The following SOAT1 variants were observed in gnomAD, a reference collection of about 807,000 sequenced individuals.
SOAT1 encodes the protein sterol O-acyltransferase 1, also known as acyl-coenzyme A:cholesterol acyltransferase 1.
In SOAT1, 55 loss-of-function variants were observed where a neutral mutation model predicts 69.5. The observed-to-expected ratio is 0.79, with a 90% confidence interval of 0.64 to 0.99. The LOEUF (loss-of-function observed/expected upper bound fraction) is 0.99, where lower values mean the gene tolerates loss of function less well. SOAT1 is among the 50% of genes least tolerant of loss of function. The pLI is 0.00. For synonymous variants in SOAT1, 231 were observed against 224.7 expected (o/e 1.03, Z -0.25); for missense variants, 580 against 669.3 (o/e 0.87, Z 1.47).
At position 179,342,943 on chromosome 1, in the gene SOAT1, G is replaced by C. The variant is rs780527908; in HGVS notation, c.941G>C (p.Arg314Thr). 1.9e-6 allele frequency: 3 copies of C among 1,611,082 alleles called. No individual in the cohort carries two copies. The highest frequency in any genetic ancestry group is 2.5e-6 in the Non-Finnish European group (3 of 1,177,556). ...CTTATCTACCGTGACAGCTATCCCA[G>C]GTAATGGTACTGTGAACCAGAAATG... Reference protein sequence around the residue: ...PTLIYRDSYPRNPTVRWGYVA... With the variant: ...PTLIYRDSYPTNPTVRWGYVA... The change falls in exon 9 of 16, where the codon AGG (arginine) becomes ACG (threonine). Residue 314 changes from arginine to threonine, a missense_variant and splice_region_variant. By Grantham distance (71) the Arg-to-Thr change is moderately conservative. Coordinates refer to ENST00000367619, the MANE Select transcript of SOAT1 (RefSeq NM_003101.6).
At chr1:179,337,542 A>G (rs1666200404) in intron 4 of SOAT1, among the ~76,000 whole-genome samples, 1 of 152,182 alleles carries the variant, frequency 6.6e-6, no homozygotes, top group Admixed American at 6.5e-5. Context: ...ACAAGAAGGA[A>G]AAGTGATTGC....
At chr1:179,335,981 A>G (rs941605116) in intron 4 of SOAT1, among the ~76,000 whole-genome samples, 8 of 152,070 alleles carry the variant, frequency 5.3e-5, no homozygotes, top group Admixed American at 3.3e-4. Context: ...CAACATGGTT[A>G]TTTAACCATT....
intron 15 of SOAT1, 142 bp downstream of exon 15, chr1:179,351,604 A>G: frequency 2.7e-6 from 2 of 729,962 alleles, no homozygotes; most frequent in Non-Finnish European, 4.4e-6. Flanking sequence ...TAAAAGCATT[A>G]GTTTATCATC....
rs144539757 is a variant in SOAT1, at chr1:179,302,781, T to A, written c.97T>A (p.Ser33Thr). The A allele has an allele frequency of 7.1e-5, 112 of 1,583,744 alleles. No homozygotes were observed. The highest frequency in any genetic ancestry group is 4.9e-4 in the African/African-American group (36 of 72,750). Reference protein sequence around the residue: ...DEDQRNPAKESLETPSNGRID... With the variant: ...DEDQRNPAKETLETPSNGRID... ...AGACCAGAGAAACCCTGCAAAGGAGTCCCTAGAGACACCTAGTAATGGTGA... is the reference window on the plus strand; with the variant it reads ...AGACCAGAGAAACCCTGCAAAGGAGACCCTAGAGACACCTAGTAATGGTGA... Residue 33 changes from serine to threonine, a missense_variant, in exon 2 of 16, where the codon TCC (serine) becomes ACC (threonine). By Grantham distance (58) the Ser-to-Thr change is moderately conservative. Coordinates refer to ENST00000367619, the MANE Select transcript of SOAT1 (RefSeq NM_003101.6).
chr1:179,346,777 C>T (rs1022754460), intron 11 of SOAT1, among the ~76,000 whole-genome samples: 1 of 152,140 alleles, frequency 6.6e-6, no homozygotes, highest in Admixed American at 6.5e-5. Context: ...CCCTCTCCTC[C>T]AATTGTCACA....
rs71901753 is a variant in SOAT1, at chr1:179,351,721, A to ATTTTTTTTTTTTTTTTTTTTTTTTTTTT, written c.1596+275_1596+276insTTTTTTTTTTTTTTTTTTTTTTTTTTTT. Among the ~76,000 whole-genome samples the ATTTTTTTTTTTTTTTTTTTTTTTTTTTT allele has an allele frequency of 4.4e-4, 47 of 106,436 alleles. 3 individuals carry two copies. Among genetic ancestry groups the ATTTTTTTTTTTTTTTTTTTTTTTTTTTT allele is most frequent in the Non-Finnish European group, 5.4e-4 (30 of 56,070 alleles). The allele number at this position is 106,436 out of a possible 152,430, so 69.8% of individuals were successfully genotyped here. On this transcript the variant is annotated intron_variant, in intron 15 of 15. Transcript: ENST00000367619. ...ACTGCCTTTTCTTCAGCCCCTTCTA[A>ATTTTTTTTTTTTTTTTTTTTTTTTTTTT]TTTTTTTTTTTTTTTTGAGACAGAG...
Position 179,351,372 on chromosome 1 carries a change from G to T in SOAT1, c.1506G>T (p.Leu502=). 2.5e-6 allele frequency: 4 copies of T among 1,614,038 alleles called. No individual in the cohort carries two copies. Among genetic ancestry groups the T allele is most frequent in the Non-Finnish European group, 3.4e-6 (4 of 1,179,926 alleles). Residue 502 remains leucine, a synonymous_variant, in exon 15 of 16, where the codon CTG becomes CTT. Coordinates refer to ENST00000367619, the MANE Select transcript of SOAT1 (RefSeq NM_003101.6). ...DSRKKPIWNV[L]MWTSLFLGNG... Reference sequence around the variant, plus strand: ...GGAAAAAGCCGATTTGGAATGTTCTGATGTGGACTTCTCTTTTCTTGGGCA... The same window carrying T: ...GGAAAAAGCCGATTTGGAATGTTCTTATGTGGACTTCTCTTTTCTTGGGCA...
intron 3 of SOAT1, among the ~76,000 whole-genome samples, chr1:179,324,368 G>A (rs1264836594): frequency 6.6e-6 from 1 of 152,168 alleles, no homozygotes; most frequent in African/African-American, 2.4e-5. Context: ...AATCAGTACT[G>A]TTTGAGTCCA....
rs573901523 is a variant in SOAT1, at chr1:179,334,279, T to C, written c.178-1227T>C. On this transcript the variant is annotated intron_variant, in intron 3 of 15. Coordinates refer to ENST00000367619, the MANE Select transcript of SOAT1 (RefSeq NM_003101.6). ...AATTATGTTACGTTTGTTTAGAAGTTAGAAGTTATATTAGAGTAGAATATG... is the reference window on the plus strand; with the variant it reads ...AATTATGTTACGTTTGTTTAGAAGTCAGAAGTTATATTAGAGTAGAATATG... Among the ~76,000 whole-genome samples, 4 of 152,290 alleles carry C rather than the reference T, an allele frequency of 2.6e-5. No individual in the cohort carries two copies. The East Asian group carries it at 7.7e-4, about 29-fold the overall frequency.
intron 3 of SOAT1, among the ~76,000 whole-genome samples, chr1:179,335,103 C>G (rs1666104749): frequency 6.6e-6 from 1 of 151,782 alleles, no homozygotes. Flanking sequence ...GTGCCGCCTG[C>G]CTGTAATTCT....
chr1:179,316,807 T>A (rs1389475773), intron 2 of SOAT1, among the ~76,000 whole-genome samples: 1 of 152,226 alleles, frequency 6.6e-6, no homozygotes, highest in Non-Finnish European at 1.5e-5. Flanking sequence ...TCTCTCTGTA[T>A]AGAGCTCTGA....
chr1:179,300,043 G>T (rs1252968717), intron 1 of SOAT1, among the ~76,000 whole-genome samples: 1 of 151,348 alleles, frequency 6.6e-6, no homozygotes, highest in African/African-American at 2.4e-5. Context: ...TTACAGGCAT[G>T]AGCCACCGCA....
chr1:179,309,772 TAATC>T (rs777450353), intron 2 of SOAT1, among the ~76,000 whole-genome samples: 9 of 152,340 alleles, frequency 5.9e-5, no homozygotes, highest in African/African-American at 1.7e-4. Flanking sequence ...AATATTTTCT[TAATC>T]AAACTAGTGA....
rs1206609983 is a variant in SOAT1, at chr1:179,342,789, T to G, written c.860-73T>G. The G allele has an allele frequency of 4.7e-6, 5 of 1,059,738 alleles. No individual in the cohort carries two copies. In the African/African-American group the frequency reaches 6.2e-5, roughly 13 times the overall value. The allele number at this position is 1,059,738 out of a possible 1,614,324, so 65.6% of individuals were successfully genotyped here. On this transcript the variant is annotated intron_variant, in intron 8 of 15. Transcript: ENST00000367619. ...TTATTCTTCCCTGTTCTGTGCTTCC[T>G]TATATTCCCCCCTGTATTTTTGCTG...
chr1:179,306,529 C>T (rs1665009253), intron 2 of SOAT1, among the ~76,000 whole-genome samples: 2 of 151,946 alleles, frequency 1.3e-5, no homozygotes, highest in South Asian at 2.1e-4. Context: ...GTTCCAGAAG[C>T]GTTAAAAGTA....
intron 3 of SOAT1, among the ~76,000 whole-genome samples, chr1:179,327,353 T>C (rs866540605): frequency 2.6e-4 from 39 of 152,348 alleles, no homozygotes; most frequent in African/African-American, 8.4e-4. Flanking sequence ...ACTTCATCTT[T>C]CCTTGATCTT....
At position 179,353,880 on chromosome 1, in the gene SOAT1, T is replaced by C; in HGVS notation, c.*239T>C. On this transcript the variant is annotated 3_prime_UTR_variant, in exon 16 of 16. Transcript: ENST00000367619. ...GGCTGGGTGGGGGGAGAAGACCGAC[T>C]AACAGCTGAAGTAATGACAGATTGT... is the stretch of plus-strand genomic sequence containing the variant. 1 of 494,568 alleles carries C rather than the reference T, an allele frequency of 2.0e-6. No homozygotes were observed. Among genetic ancestry groups the C allele is most frequent in the Non-Finnish European group, 3.5e-6 (1 of 282,112 alleles). 30.6% of individuals were successfully genotyped at this position (494,568 alleles called of 1,614,324 possible). A position where few individuals can be genotyped will look rare whatever the true frequency, so the allele number is the denominator to read the frequency against.
At chr1:179,318,376 A>G (rs139849462) in intron 2 of SOAT1, among the ~76,000 whole-genome samples, 81 of 152,282 alleles carry the variant, frequency 5.3e-4, no homozygotes, top group African/African-American at 1.9e-3. Flanking sequence ...ACAGAGCAGC[A>G]CATTCTCATA....
At chr1:179,321,598 A>G (rs1280540566) in intron 2 of SOAT1, among the ~76,000 whole-genome samples, 1 of 152,204 alleles carries the variant, frequency 6.6e-6, no homozygotes, top group Non-Finnish European at 1.5e-5. Context: ...TCTCTAGCGC[A>G]GCTGTGGTTG....
Sources: gnomAD v4.1 joint callset for allele counts (sites outside exome capture counted in the v4.1 genomes callset) on GRCh38, gnomAD v4.1.1 for gene constraint, MANE v1.5 for transcripts, NCBI Gene and HGNC (gene_info 2026-07-23, HGNC 2026-07-21) for gene names.